Variants in TNR observed in about 807,000 individuals in gnomAD.
TNR encodes the protein tenascin R.
Under a neutral mutation model 150.4 loss-of-function variants are expected in TNR, and 45 were observed. The observed-to-expected ratio is 0.30, with a 90% CI of 0.24 to 0.38. TNR has a LOEUF of 0.38. Ranked by LOEUF, TNR falls within the 10% of genes least tolerant of loss-of-function variation. The probability of loss-of-function intolerance (pLI) is 1.00; values close to 1 mark genes in which losing one functional copy is unlikely to be tolerated. For synonymous variants in TNR, 687 were observed against 678.4 expected (o/e 1.01, Z -0.20); for missense variants, 1,544 against 1,759.1 (o/e 0.88, Z 2.19).
Position 175,386,233 on chromosome 1 carries a change from G to A in TNR, c.1576C>T (p.Pro526Ser), listed in dbSNP as rs868755868. 1.2e-6 allele frequency: 2 copies of A among 1,607,040 alleles called. No homozygotes were observed. The highest frequency in any genetic ancestry group is 4.5e-5 in the East Asian group (2 of 44,622). The change falls in exon 8 of 23, where the codon CCC (proline) becomes TCC (serine). Residue 526 changes from proline to serine, a missense_variant. Around this residue, in one of 2 missense-constraint regions of TNR, gnomAD observed 1,254 missense variants for 1,329.4 expected, o/e 0.94. Coordinates refer to ENST00000367674, the MANE Select transcript of TNR (RefSeq NM_003285.3). ...SDTVAFVEWI[P>S]PRAKVDFILL... ...ATGAAATCGACTTTGGCTCGAGGGGGAATCCACTCCACAAAAGCCACAGTG... is the reference window on the plus strand; with the variant it reads ...ATGAAATCGACTTTGGCTCGAGGGGAAATCCACTCCACAAAAGCCACAGTG...
chr1:175,374,591 TGTAA>T (rs1399308828), intron 9 of TNR, among the ~76,000 whole-genome samples: 2 of 152,198 alleles, frequency 1.3e-5, no homozygotes, highest in Non-Finnish European at 2.9e-5. Context: ...TGTGGCTGGC[TGTAA>T]GTCTCTGTTT....
At chr1:175,418,723 A>AGAG (rs200695339) in intron 2 of TNR, among the ~76,000 whole-genome samples, 1 of 136,920 alleles carries the variant, frequency 7.3e-6, no homozygotes, top group African/African-American at 2.6e-5. Context: ...AGAGAGAGAG[A>AGAG]AAAAAAAAAA....
chr1:175,723,744 G>A (rs1446269921), intron 1 of TNR, among the ~76,000 whole-genome samples: 1 of 152,116 alleles, frequency 6.6e-6, no homozygotes, highest in African/African-American at 2.4e-5. Context: ...TGAGCGTGGT[G>A]GCTCACGCCT....
At chr1:175,381,858 T>C (rs763035963) in intron 8 of TNR, among the ~76,000 whole-genome samples, 1 of 152,236 alleles carries the variant, frequency 6.6e-6, no homozygotes, top group Non-Finnish European at 1.5e-5. Context: ...TTCTCAGATA[T>C]CTCCATGTAC....
At chr1:175,685,373 A>C (rs1666158055) in intron 1 of TNR, among the ~76,000 whole-genome samples, 1 of 152,176 alleles carries the variant, frequency 6.6e-6, no homozygotes, top group Admixed American at 6.5e-5. Flanking sequence ...TCACATATTC[A>C]AACAATACTC....
chr1:175,405,608 T>C (rs1653909963), intron 3 of TNR, among the ~76,000 whole-genome samples: 1 of 64,364 alleles, frequency 1.6e-5, no homozygotes, highest in Non-Finnish European at 3.0e-5. Context: ...AGAGAGTATG[T>C]GTGTGTGAGA....
At chr1:175,538,803 A>G (rs1660389426) in intron 1 of TNR, 1 of 152,204 alleles carries the variant, frequency 6.6e-6, no homozygotes. Flanking sequence ...TAATCCAGCT[A>G]CTTTCTTGGC....
chr1:175,711,222 G>A (rs993525677), intron 1 of TNR, among the ~76,000 whole-genome samples: 1 of 152,178 alleles, frequency 6.6e-6, no homozygotes, highest in African/African-American at 2.4e-5. Context: ...AGTGCTGGGG[G>A]TGTGATTTGC....
rs150284942 is a variant in TNR, at chr1:175,477,634, A to G, written c.-64+50635T>C. On this transcript the variant is annotated intron_variant, in intron 2 of 22. Transcript: ENST00000367674. ...GAAATCATACAAATATGAGACCCAG[A>G]AAGATGCTACTGGCTTGGGAATGAG... is the stretch of plus-strand genomic sequence containing the variant. Among the ~76,000 whole-genome samples the G allele has an allele frequency of 8.8e-3, 1,337 of 152,370 alleles. 8 individuals are homozygous for G. Among genetic ancestry groups the G allele is most frequent in the Non-Finnish European group, 0.014 (981 of 68,030 alleles).
chr1:175,698,702 A>G (rs1391763611), intron 1 of TNR, among the ~76,000 whole-genome samples: 1 of 152,042 alleles, frequency 6.6e-6, no homozygotes, highest in East Asian at 1.9e-4. Flanking sequence ...TTAGCCGGGC[A>G]TGGTGGCAGG....
chr1:175,642,762 T>A (rs1664703448), intron 1 of TNR, among the ~76,000 whole-genome samples: 1 of 152,058 alleles, frequency 6.6e-6, no homozygotes, highest in Non-Finnish European at 1.5e-5. Flanking sequence ...TGAGACCCCA[T>A]CTTTACAAAA....
chr1:175,364,860 G>T, intron 12 of TNR, 150 bp downstream of exon 12: 1 of 915,738 alleles, frequency 1.1e-6, no homozygotes, highest in Non-Finnish European at 1.6e-6. Flanking sequence ...ACTGGAGGAA[G>T]TAGCTGTTTC....
intron 1 of TNR, among the ~76,000 whole-genome samples, chr1:175,736,851 C>CA (rs56881083): frequency 0.11 from 16,020 of 146,710 alleles, 1,184 homozygotes; most frequent in East Asian, 0.23. Flanking sequence ...TCCATCTCTA[C>CA]AAAAAAAAAA....
chr1:175,673,150 C>T (rs1665753714), intron 1 of TNR, among the ~76,000 whole-genome samples: 2 of 152,152 alleles, frequency 1.3e-5, no homozygotes, highest in Non-Finnish European at 2.9e-5. Context: ...ATGCCTTGTC[C>T]CCTCAACCTG....
At chr1:175,578,687 C>A (rs1662218501) in intron 1 of TNR, among the ~76,000 whole-genome samples, 1 of 152,186 alleles carries the variant, frequency 6.6e-6, no homozygotes, top group Admixed American at 6.5e-5. Flanking sequence ...ATGAGGAGAT[C>A]CCTGGAGCTG....
At position 175,318,570 on chromosome 1, in the gene TNR, G is replaced by A. The variant is rs1198359659; in HGVS notation, c.*4787C>T. 6.6e-6 allele frequency: 1 copy of A among 152,228 alleles called. No homozygotes were observed. The highest frequency in any genetic ancestry group is 1.5e-5 in the Non-Finnish European group (1 of 68,048). The allele number at this position is 152,228 out of a possible 1,614,324, so 9.4% of individuals were successfully genotyped here. ...GGACTGGTAGTGTCCAAATGACCCA[G>A]TATTGTTGAAGAAAGCTTTATCACA... On this transcript the variant is annotated 3_prime_UTR_variant, in exon 23 of 23. Transcript: ENST00000367674.
intron 1 of TNR, among the ~76,000 whole-genome samples, chr1:175,559,908 A>T (rs1024514140): frequency 6.6e-6 from 1 of 152,164 alleles, no homozygotes; most frequent in African/African-American, 2.4e-5. Flanking sequence ...ATGACTCATC[A>T]TTGTATTTGT....
At chr1:175,705,330 GTTTT>G (rs1666816320) in intron 1 of TNR, among the ~76,000 whole-genome samples, 1 of 151,944 alleles carries the variant, frequency 6.6e-6, no homozygotes, top group Non-Finnish European at 1.5e-5. Context: ...TTGAATTTTA[GTTTT>G]TTTCTTTTGT....
intron 2 of TNR, among the ~76,000 whole-genome samples, chr1:175,489,235 C>T (rs1658140847): frequency 6.6e-6 from 1 of 152,188 alleles, no homozygotes; most frequent in Admixed American, 6.5e-5. Flanking sequence ...AATTCTAGCT[C>T]CTTCCCTTCC....
Sources: allele counts gnomAD v4.1 joint callset (sites outside exome capture counted in the v4.1 genomes callset), GRCh38; gene constraint gnomAD v4.1.1; regional missense constraint gnomAD v4.1.1; transcripts MANE v1.5; gene names NCBI Gene and HGNC (gene_info 2026-07-23, HGNC 2026-07-21).